TMEM147: variants seen among roughly 807,000 people sequenced by gnomAD.
TMEM147 encodes BOS complex subunit TMEM147.
Under a neutral mutation model 29.4 loss-of-function variants are expected in TMEM147, and 29 were observed. The ratio of observed to expected loss-of-function variants is 0.99; its 90% CI spans 0.73 to 1.34. The LOEUF (loss-of-function observed/expected upper bound fraction) is 1.34, where lower values mean the gene tolerates loss of function less well. Among genes scored for constraint, TMEM147 ranks in the 40% most tolerant of loss-of-function variants. The pLI, the probability that TMEM147 is intolerant of heterozygous loss-of-function variation, is 0.00. For synonymous variants in TMEM147, 121 were observed against 111.8 expected, an observed-to-expected ratio of 1.08 and a Z score of -0.52; for missense variants, 260 against 289.4, an observed-to-expected ratio of 0.90 and a Z score of 0.74.
At position 35,547,508 on chromosome 19, in the gene TMEM147, A is replaced by C; in HGVS notation, c.*61A>C. The C allele has an allele frequency of 6.3e-7, 1 of 1,588,946 alleles. No homozygotes were observed. Among genetic ancestry groups the C allele is most frequent in the East Asian group, 2.3e-5 (1 of 44,250 alleles). On this transcript the variant is annotated 3_prime_UTR_variant, in exon 7 of 7. Transcript: ENST00000222284. ...GCCTCACTCCAGGTTTTAGTGAAGT[A>C]AACAGTATTTGGAAAGTTGTTGCTG...
intron 2 of TMEM147, 66 bp downstream of exon 2, chr19:35,546,023 G>C: frequency 1.3e-6 from 2 of 1,546,146 alleles, no homozygotes; most frequent in Non-Finnish European, 1.7e-6. Flanking sequence ...ACCCGCCCCC[G>C]TTGCCTATCC....
rs775633687 is a variant in TMEM147, at chr19:35,546,904, G to A, written c.345-41G>A. On this transcript the variant is annotated intron_variant, in intron 4 of 6. Transcript: ENST00000222284. The stretch of plus-strand genomic sequence containing the variant: ...AGGGGCTCAAAGCCTGGTGCTGAAG[G>A]TGTCTGAGTACTGGAGAATCCCATC... The A allele has an allele frequency of 2.5e-6, 4 of 1,614,122 alleles. No individual in the cohort carries two copies. The South Asian group carries it at 3.3e-5, about 13-fold the overall frequency.
In TMEM147 at chr19:35,546,660, C is replaced by T. The variant is rs1273975016; in HGVS notation, c.208-12C>T. On this transcript the variant is annotated splice_polypyrimidine_tract_variant and intron_variant, in intron 3 of 6. Coordinates refer to ENST00000222284, the MANE Select transcript of TMEM147 (RefSeq NM_032635.4). The stretch of plus-strand genomic sequence containing the variant: ...CCCCCTGTGCTTACTTAAGCCTCAA[C>T]CTGACCCGCAGGAGTTCATGAAGGC... 1.2e-6 allele frequency: 2 copies of T among 1,611,640 alleles called. No homozygotes were observed. The highest frequency in any genetic ancestry group is 1.7e-6 in the Non-Finnish European group (2 of 1,178,320).
At position 35,545,912 on chromosome 19, in the gene TMEM147, A is replaced by G. The variant is rs900896903; in HGVS notation, c.102A>G (p.Lys34=). The G allele has an allele frequency of 1.2e-6, 2 of 1,613,988 alleles. No individual in the cohort carries two copies. The highest frequency in any genetic ancestry group is 8.5e-7 in the Non-Finnish European group (1 of 1,179,914). ...GGTCCGAGTACAACGCCTTCTGGAAATGCGTCCAGGCTGGAGTCACCTACC... is the reference window on the plus strand; with the variant it reads ...GGTCCGAGTACAACGCCTTCTGGAAGTGCGTCCAGGCTGGAGTCACCTACC... ...SGLSEYNAFW[K]CVQAGVTYLF... is the part of the protein sequence containing the mutation. The change falls in exon 2 of 7, where the codon AAA becomes AAG. Residue 34 remains lysine, a synonymous_variant. Transcript: ENST00000222284.
At chr19:35,546,300 C>A in intron 2 of TMEM147, 1 of 607,252 alleles carries the variant, frequency 1.6e-6, no homozygotes. Context: ...ACTCAGATGC[C>A]CTGTGATCAC....
chr19:35,547,141 C>A lies in TMEM147; in HGVS notation c.452C>A (p.Ala151Asp). Reference sequence around the variant, plus strand: ...TAGGTCCATTACATCGTCGCGTCTGCTCAGGTCTGGATGATAACACGCTAT... The same window carrying A: ...TAGGTCCATTACATCGTCGCGTCTGATCAGGTCTGGATGATAACACGCTAT... The part of the protein sequence containing the change: ...ISLVHYIVAS[A>D]QVWMITRYDL... The change falls in exon 6 of 7, where the codon GCT becomes GAT. Residue 151 changes from alanine (A) to aspartate (D), a missense_variant. By Grantham distance (126) the Ala-to-Asp change is moderately radical. Coordinates refer to ENST00000222284, the MANE Select transcript of TMEM147 (RefSeq NM_032635.4). 6.2e-7 allele frequency: 1 copy of A among 1,614,188 alleles called. No individual in the cohort carries two copies. Among genetic ancestry groups the A allele is most frequent in the Non-Finnish European group, 8.5e-7 (1 of 1,180,040 alleles).
At position 35,546,704 on chromosome 19, in the gene TMEM147, C is replaced by A. The variant is rs749229164; in HGVS notation, c.240C>A (p.Asp80Glu). The A allele has an allele frequency of 1.9e-6, 3 of 1,614,022 alleles. No homozygotes were observed. The African/African-American group carries it at 4.0e-5, about 22-fold the overall frequency. ...EFMKASVDVADLIGLNLVMSR... is the reference protein window; with the variant it reads ...EFMKASVDVAELIGLNLVMSR... Reference sequence around the variant, plus strand: ...TGAAGGCCAGCGTGGATGTGGCAGACCTGATAGGTCTAAACCTTGTCATGT... The same window carrying A: ...TGAAGGCCAGCGTGGATGTGGCAGAACTGATAGGTCTAAACCTTGTCATGT... The change falls in exon 4 of 7, where the codon GAC (aspartate) becomes GAA (glutamate). Residue 80 changes from aspartate to glutamate, a missense_variant. Transcript: ENST00000222284.
intron 2 of TMEM147, chr19:35,546,187 AG>A: frequency 1.6e-6 from 1 of 620,040 alleles, no homozygotes; most frequent in Non-Finnish European, 2.8e-6. Context: ...AGAAAACCTC[AG>A]TAGTGTGGTT....
Position 35,545,633 on chromosome 19 carries a change from T to C in TMEM147, c.-107T>C. 1 of 1,237,088 alleles carries C rather than the reference T, an allele frequency of 8.1e-7. No individual in the cohort carries two copies. The highest frequency in any genetic ancestry group is 2.8e-4 in the Middle Eastern group (1 of 3,554). The allele number at this position is 1,237,088 out of a possible 1,614,324, so 76.6% of individuals were successfully genotyped here. On this transcript the variant is annotated 5_prime_UTR_variant, in exon 1 of 7. Coordinates refer to ENST00000222284, the MANE Select transcript of TMEM147 (RefSeq NM_032635.4). ...CGCGCGCGGGCCCCCGCCAGTCAGG[T>C]GGGTGCCAGGCCCTGGCCGTGGCGA... is the stretch of plus-strand genomic sequence containing the variant.
rs1364299578 is a variant in TMEM147, at chr19:35,545,822, T to G, written c.77+6T>G. 1 of 1,613,774 alleles carries G rather than the reference T, an allele frequency of 6.2e-7. No homozygotes were observed. Among genetic ancestry groups the G allele is most frequent in the Non-Finnish European group, 8.5e-7 (1 of 1,179,810 alleles). On this transcript the variant is annotated splice_donor_region_variant and intron_variant, in intron 1 of 6. Coordinates refer to ENST00000222284, the MANE Select transcript of TMEM147 (RefSeq NM_032635.4). ...ACCTACAAGTGCAGCGGCCTGTGAGTGCGGGAAGGGCGCGGGGCGGAGAGG... is the reference window on the plus strand; with the variant it reads ...ACCTACAAGTGCAGCGGCCTGTGAGGGCGGGAAGGGCGCGGGGCGGAGAGG...
chr19:35,546,672 G>A lies in TMEM147; in HGVS notation c.208G>A (p.Glu70Lys), dbSNP rs745322799. Residue 70 changes from glutamate to lysine, a missense_variant and splice_region_variant, in exon 4 of 7, where the codon GAG (glutamate) becomes AAG (lysine). Coordinates refer to ENST00000222284, the MANE Select transcript of TMEM147 (RefSeq NM_032635.4). ...ACTTAAGCCTCAACCTGACCCGCAG[G>A]AGTTCATGAAGGCCAGCGTGGATGT... is the stretch of plus-strand genomic sequence containing the variant. ...WEGGIYDFIG[E>K]FMKASVDVAD... The A allele has an allele frequency of 1.2e-6, 2 of 1,612,566 alleles. No homozygotes were observed. The highest frequency in any genetic ancestry group is 2.7e-5 in the African/African-American group (2 of 74,910).
intron 2 of TMEM147, 111 bp from the exon 3 acceptor site, chr19:35,546,415 C>T: frequency 7.9e-7 from 1 of 1,263,620 alleles, no homozygotes; most frequent in Non-Finnish European, 1.1e-6. Flanking sequence ...TCCAGATGGG[C>T]CCCCAGAACC....
At position 35,545,875 on chromosome 19, in the gene TMEM147, C is replaced by G; in HGVS notation, c.78-13C>G. The G allele has an allele frequency of 6.2e-7, 1 of 1,613,912 alleles. No individual in the cohort carries two copies. Among genetic ancestry groups the G allele is most frequent in the Non-Finnish European group, 8.5e-7 (1 of 1,179,880 alleles). On this transcript the variant is annotated splice_polypyrimidine_tract_variant and intron_variant, in intron 1 of 6. Coordinates refer to ENST00000222284, the MANE Select transcript of TMEM147 (RefSeq NM_032635.4). ...GCGGGGCCCGGGCCGACCCTCACCTCCCGCTTCTCCAGGTCCGAGTACAAC... is the reference window on the plus strand; with the variant it reads ...GCGGGGCCCGGGCCGACCCTCACCTGCCGCTTCTCCAGGTCCGAGTACAAC...
chr19:35,546,284 G>A, intron 2 of TMEM147: 3 of 602,840 alleles, frequency 5.0e-6, no homozygotes, highest in Non-Finnish European at 8.8e-6. Flanking sequence ...AGCACCTTCA[G>A]ACCTGACTCA....
rs1568311344 is a variant in TMEM147, at chr19:35,547,012, G to C, written c.412G>C (p.Asp138His). The change falls in exon 5 of 7, where the codon GAC (aspartate) becomes CAC (histidine). Residue 138 changes from aspartate to histidine, a missense_variant. Transcript: ENST00000222284. ...CTGGAAGTACATCCAGATGAGCATAGACTCCAACATCAGTCTGGTAGGCAG... is the reference window on the plus strand; with the variant it reads ...CTGGAAGTACATCCAGATGAGCATACACTCCAACATCAGTCTGGTAGGCAG... ...FDWKYIQMSI[D>H]SNISLVHYIV... 1 of 1,614,080 alleles carries C rather than the reference G, an allele frequency of 6.2e-7. No homozygotes were observed. Among genetic ancestry groups the C allele is most frequent in the Non-Finnish European group, 8.5e-7 (1 of 1,180,050 alleles).
rs760506450 is a variant in TMEM147, at chr19:35,547,344, C to T, written c.572C>T (p.Ser191Leu). ...FVMETFVHLC[S>L]LGSWAALLAR... ...TGCAGGACCTTCGTCCACCTCTGCTCGCTGGGCAGTTGGGCAGCTCTACTG... is the reference window on the plus strand; with the variant it reads ...TGCAGGACCTTCGTCCACCTCTGCTTGCTGGGCAGTTGGGCAGCTCTACTG... The change falls in exon 7 of 7, where the codon TCG becomes TTG. Residue 191 changes from serine to leucine, a missense_variant. Transcript: ENST00000222284. 1.1e-5 allele frequency: 17 copies of T among 1,613,868 alleles called. No individual in the cohort carries two copies. Among genetic ancestry groups the T allele is most frequent in the Non-Finnish European group, 1.4e-5 (16 of 1,180,032 alleles).
Position 35,545,629 on chromosome 19 carries a change from C to T in TMEM147, c.-111C>T. On this transcript the variant is annotated 5_prime_UTR_variant, in exon 1 of 7. Coordinates refer to ENST00000222284, the MANE Select transcript of TMEM147 (RefSeq NM_032635.4). ...AGGTCGCGCGCGGGCCCCCGCCAGT[C>T]AGGTGGGTGCCAGGCCCTGGCCGTG... is the stretch of plus-strand genomic sequence containing the variant. The T allele has an allele frequency of 8.2e-7, 1 of 1,213,580 alleles. No individual in the cohort carries two copies. Among genetic ancestry groups the T allele is most frequent in the African/African-American group, 1.5e-5 (1 of 64,846 alleles). 75.2% of individuals were successfully genotyped at this position (1,213,580 alleles called of 1,614,324 possible). A position where few individuals can be genotyped will look rare whatever the true frequency, so the allele number is the denominator to read the frequency against.
In TMEM147 at chr19:35,545,931, A is replaced by T. The variant is rs1446767081; in HGVS notation, c.121A>T (p.Thr41Ser). 6.2e-7 allele frequency: 1 copy of T among 1,613,822 alleles called. No individual in the cohort carries two copies. Among genetic ancestry groups the T allele is most frequent in the Non-Finnish European group, 8.5e-7 (1 of 1,179,874 alleles). The change falls in exon 2 of 7, where the codon ACC becomes TCC. Residue 41 changes from threonine to serine, a missense_variant. Coordinates refer to ENST00000222284, the MANE Select transcript of TMEM147 (RefSeq NM_032635.4). ...CTGGAAATGCGTCCAGGCTGGAGTCACCTACCTCTTTGTCCAACTCTGCAA... is the reference window on the plus strand; with the variant it reads ...CTGGAAATGCGTCCAGGCTGGAGTCTCCTACCTCTTTGTCCAACTCTGCAA... Reference protein sequence around the residue: ...AFWKCVQAGVTYLFVQLCKML... With the variant: ...AFWKCVQAGVSYLFVQLCKML...
chr19:35,545,672 G>GCCGGAGACCCGCTC lies in TMEM147; in HGVS notation c.-59_-46dup, dbSNP rs2071545262. 3 of 1,561,948 alleles carry GCCGGAGACCCGCTC rather than the reference G, an allele frequency of 1.9e-6. No homozygotes were observed. The South Asian group carries it at 3.4e-5, about 18-fold the overall frequency. ...TGGCCGTGGCGAAAGAGCCGGCGGAGCCGGAGACCCGCTCCCGGAGACGCC... is the reference window on the plus strand; with the variant it reads ...TGGCCGTGGCGAAAGAGCCGGCGGAGCCGGAGACCCGCTCCCGGAGACCCGCTCCCGGAGACGCC... On this transcript the variant is annotated 5_prime_UTR_variant, in exon 1 of 7. Coordinates refer to ENST00000222284, the MANE Select transcript of TMEM147 (RefSeq NM_032635.4).
Sources: allele counts gnomAD v4.1 joint callset, GRCh38; gene constraint gnomAD v4.1.1; transcripts MANE v1.5; gene names NCBI Gene and HGNC (gene_info 2026-07-23, HGNC 2026-07-21).